DIAPH2: variants seen among roughly 807,000 people sequenced by gnomAD.
DIAPH2 encodes the protein protein diaphanous homolog 2.
DIAPH2 carries 35 observed loss-of-function variants against 92.7 expected under a neutral mutation model. The observed-to-expected ratio is 0.38, with a 90% CI of 0.29 to 0.50. The LOEUF is 0.50. DIAPH2 is among the 20% of genes least tolerant of loss of function. DIAPH2 has a pLI of 0.94. For synonymous variants in DIAPH2, 301 were observed against 280.4 expected, an observed-to-expected ratio of 1.07 and a Z score of -0.73; for missense variants, 701 against 819.5, an observed-to-expected ratio of 0.86 and a Z score of 1.77.
intron 22 of DIAPH2, among the ~76,000 whole-genome samples, chrX:97,183,502 TGTA>T (rs1221129745): frequency 8.9e-6 from 1 of 112,419 alleles, no homozygotes; most frequent in Non-Finnish European, 1.9e-5. Context: ...GATAATTAAA[TGTA>T]GTCAAATTTG....
intron 17 of DIAPH2, among the ~76,000 whole-genome samples, chrX:96,971,309 A>G (rs1260247823): frequency 3.6e-5 from 4 of 112,093 alleles, no homozygotes; most frequent in Non-Finnish European, 7.5e-5. Context: ...TTTCTCATAC[A>G]TAAAATGAAT....
intron 1 of DIAPH2, among the ~76,000 whole-genome samples, chrX:96,695,601 G>A (rs753481132): frequency 3.8e-4 from 43 of 111,831 alleles, no homozygotes; most frequent in African/African-American, 1.2e-3. Context: ...GTAGGGCTCT[G>A]GGCCCAATTT....
intron 1 of DIAPH2, among the ~76,000 whole-genome samples, chrX:96,685,577 G>C (rs1207235472): frequency 8.9e-6 from 1 of 112,397 alleles, no homozygotes. Flanking sequence ...AACGCGTAGG[G>C]TCCGGGGCAG....
intron 5 of DIAPH2, among the ~76,000 whole-genome samples, chrX:96,899,176 G>A (rs1244865600): frequency 1.8e-5 from 2 of 108,711 alleles, no homozygotes; most frequent in African/African-American, 6.6e-5. Flanking sequence ...CTCCAGCTTT[G>A]TTCTTTTGGC....
At chrX:97,030,051 G>T (rs1179565885) in intron 17 of DIAPH2, among the ~76,000 whole-genome samples, 3 of 111,413 alleles carry the variant, frequency 2.7e-5, no homozygotes, top group Non-Finnish European at 3.8e-5. Flanking sequence ...GGTTTCATAT[G>T]ATCCCATTTT....
intron 21 of DIAPH2, among the ~76,000 whole-genome samples, chrX:97,122,950 T>C (rs1179526843): frequency 9.0e-6 from 1 of 111,697 alleles, no homozygotes; most frequent in African/African-American, 3.3e-5. Flanking sequence ...TTTAAAAATG[T>C]CATCATATAA....
chrX:97,510,356 G>T (rs1416333765), intron 26 of DIAPH2, among the ~76,000 whole-genome samples: 1 of 111,463 alleles, frequency 9.0e-6, no homozygotes, highest in African/African-American at 3.3e-5. Flanking sequence ...TGATGGTGTT[G>T]TTTGTTTTTT....
rs777349548 is a variant in DIAPH2 at position 97,070,145 on chromosome X, A to G, written c.2051-2796A>G. On this transcript the variant is annotated intron_variant, in intron 17 of 26. Transcript: ENST00000324765. ...TCATTATTATTCTATTAGCAGTGCC[A>G]ATTTACACACTCAAATTAATTCAAT... 3.6e-5 allele frequency among the ~76,000 whole-genome samples: 4 copies of G among 111,358 alleles called. No individual in the cohort carries two copies. The South Asian group carries it at 1.5e-3, about 42-fold the overall frequency.
chrX:97,434,918 T>G (rs2147781055), intron 26 of DIAPH2, among the ~76,000 whole-genome samples: 1 of 111,375 alleles, frequency 9.0e-6, no homozygotes, highest in Non-Finnish European at 1.9e-5. Flanking sequence ...GGGATTGTTA[T>G]AGGGATTTTT....
intron 17 of DIAPH2, among the ~76,000 whole-genome samples, chrX:97,069,055 C>T (rs1219260058): frequency 9.0e-6 from 1 of 111,024 alleles, no homozygotes; most frequent in Non-Finnish European, 1.9e-5. Flanking sequence ...CTCCGCCTCC[C>T]GGGTTCAAGT....
intron 4 of DIAPH2, among the ~76,000 whole-genome samples, chrX:96,772,502 T>C (rs1248125694): frequency 8.9e-6 from 1 of 112,263 alleles, no homozygotes. Context: ...TTAAAAATGA[T>C]ACATGATATT....
At chrX:96,955,936 G>A (rs1280176750) in intron 15 of DIAPH2, among the ~76,000 whole-genome samples, 1 of 112,237 alleles carries the variant, frequency 8.9e-6, no homozygotes, top group Non-Finnish European at 1.9e-5. Context: ...GTCATTCTGG[G>A]GTCTGGAGGA....
intron 25 of DIAPH2, among the ~76,000 whole-genome samples, chrX:97,395,685 T>C (rs2069698066): frequency 8.9e-6 from 1 of 112,416 alleles, no homozygotes; most frequent in African/African-American, 3.2e-5. Context: ...AAATAAGTGC[T>C]AAACTCTCAT....
At chrX:97,195,712 C>T (rs1483635555) in intron 22 of DIAPH2, among the ~76,000 whole-genome samples, 1 of 88,227 alleles carries the variant, frequency 1.1e-5, no homozygotes. Flanking sequence ...GAAAGTAATA[C>T]AAAAAGTCTA....
intron 24 of DIAPH2, among the ~76,000 whole-genome samples, chrX:97,351,288 C>T (rs1478653730): frequency 2.7e-5 from 3 of 112,250 alleles, no homozygotes; most frequent in Non-Finnish European, 3.8e-5. Flanking sequence ...TATTATTAGC[C>T]ATTCTCTGAC....
intron 17 of DIAPH2, among the ~76,000 whole-genome samples, chrX:97,011,141 C>A (rs2066222247): frequency 8.9e-6 from 1 of 112,151 alleles, no homozygotes; most frequent in African/African-American, 3.2e-5. Context: ...TTCCTGTTAT[C>A]CTTTTAAATT....
intron 26 of DIAPH2, among the ~76,000 whole-genome samples, chrX:97,478,684 C>T (rs2070628472): frequency 9.0e-6 from 1 of 111,643 alleles, no homozygotes; most frequent in African/African-American, 3.2e-5. Flanking sequence ...TAAGCCTATC[C>T]CCATATTAGG....
chrX:97,306,324 G>T (rs1053242628), intron 23 of DIAPH2, among the ~76,000 whole-genome samples: 2 of 111,322 alleles, frequency 1.8e-5, no homozygotes, highest in African/African-American at 6.5e-5. Flanking sequence ...GCTTCAGGGG[G>T]CAGGGCCATT....
intron 19 of DIAPH2, among the ~76,000 whole-genome samples, chrX:97,097,834 A>G (rs2066879629): frequency 9.1e-6 from 1 of 110,220 alleles, no homozygotes; most frequent in Admixed American, 9.5e-5. Context: ...TCCATGCATC[A>G]AAAATATTTG....
Sources: gnomAD v4.1 joint callset for allele counts (sites outside exome capture counted in the v4.1 genomes callset) on GRCh38, gnomAD v4.1.1 for gene constraint, MANE v1.5 for transcripts, NCBI Gene and HGNC (gene_info 2026-07-23, HGNC 2026-07-21) for gene names.